The following PTPRD variants were observed in gnomAD, a reference collection of about 807,000 sequenced individuals.
The protein encoded by PTPRD is protein tyrosine phosphatase receptor type D, also known as receptor-type tyrosine-protein phosphatase delta.
PTPRD carries 34 observed loss-of-function variants against 214.5 expected under a neutral mutation model. The ratio of observed to expected loss-of-function variants is 0.16; its 90% CI spans 0.12 to 0.21. The LOEUF (loss-of-function observed/expected upper bound fraction) is 0.21, where lower values mean the gene tolerates loss of function less well. PTPRD is among the 10% of genes least tolerant of loss of function. PTPRD has a pLI of 1.00. For synonymous variants in PTPRD, 1,128 were observed against 845.7 expected (o/e 1.33, Z -5.79); for missense variants, 2,545 against 2,398.7 (o/e 1.06, Z -1.27).
intron 3 of PTPRD, among the ~76,000 whole-genome samples, chr9:10,255,147 G>A (rs2093144974): frequency 6.6e-6 from 1 of 152,198 alleles, no homozygotes; most frequent in African/African-American, 2.4e-5. Context: ...ACCTCAAAGA[G>A]TTGCTCTTTC....
intron 10 of PTPRD, among the ~76,000 whole-genome samples, chr9:9,033,185 G>T (rs2099611110): frequency 6.6e-6 from 1 of 152,040 alleles, no homozygotes; most frequent in Admixed American, 6.6e-5. Context: ...ACATAATTTG[G>T]CAGTAATCAT....
rs186129208 is a variant in PTPRD at position 8,512,627 on chromosome 9, T to A, written c.1544-5193A>T. The stretch of plus-strand genomic sequence containing the variant: ...AATAGCATTAACATCCCTAAAATGT[T>A]TAAAGTTGATACTAGTCATTAGTAT... On this transcript the variant is annotated intron_variant, in intron 21 of 45. Transcript: ENST00000381196. 2.6e-3 allele frequency among the ~76,000 whole-genome samples: 402 copies of A among 152,088 alleles called. 1 individual carries two copies. The highest frequency in any genetic ancestry group is 9.3e-3 in the African/African-American group (385 of 41,558).
At chr9:9,569,511 C>T (rs2085678762) in intron 8 of PTPRD, among the ~76,000 whole-genome samples, 1 of 151,536 alleles carries the variant, frequency 6.6e-6, no homozygotes, top group Non-Finnish European at 1.5e-5. Context: ...TAAATATATG[C>T]CATTGAAAGG....
At chr9:8,480,269 G>A (rs1001523653) in intron 30 of PTPRD, among the ~76,000 whole-genome samples, 1 of 152,156 alleles carries the variant, frequency 6.6e-6, no homozygotes, top group Non-Finnish European at 1.5e-5. Flanking sequence ...GTGAACGGCT[G>A]TCTCTCCACT....
intron 3 of PTPRD, among the ~76,000 whole-genome samples, chr9:10,248,219 G>A (rs141206320): frequency 1.3e-5 from 2 of 152,080 alleles, no homozygotes; most frequent in African/African-American, 2.4e-5. Flanking sequence ...GAGGCAAGCA[G>A]TAAGGGTTAA....
chr9:9,734,507 G>C (rs947881763), intron 7 of PTPRD, 26 bp downstream of exon 7: 5 of 151,882 alleles, frequency 3.3e-5, no homozygotes, highest in African/African-American at 1.2e-4. Context: ...AGAAGACTGA[G>C]AGTCCCAAAG....
At chr9:10,383,201 A>G (rs1460891727) in intron 2 of PTPRD, among the ~76,000 whole-genome samples, 2 of 151,926 alleles carry the variant, frequency 1.3e-5, no homozygotes, top group African/African-American at 4.8e-5. Context: ...CACAATTTAA[A>G]TACCTTCTGT....
chr9:8,492,820 A>G (rs987404315), intron 27 of PTPRD, 42 bp downstream of exon 27: 1 of 1,429,130 alleles, frequency 7.0e-7, no homozygotes, highest in Non-Finnish European at 9.8e-7. Flanking sequence ...TTAAAAAGTT[A>G]GTATTACTGT....
rs112144786 is a variant in PTPRD at position 9,756,123 on chromosome 9, A to G, written c.-326+10687T>C. Among the ~76,000 whole-genome samples, 99 of 152,000 alleles carry G rather than the reference A, an allele frequency of 6.5e-4. 1 individual carries two copies. The highest frequency in any genetic ancestry group is 2.3e-3 in the African/African-American group (94 of 41,484). On this transcript the variant is annotated intron_variant, in intron 6 of 45. Coordinates refer to ENST00000381196, the MANE Select transcript of PTPRD (RefSeq NM_002839.4). ...TGGAAAACTCCCTCCTTCTTTCAACACCTCTCTGTTCTAATATCGACCTCA... is the reference window on the plus strand; with the variant it reads ...TGGAAAACTCCCTCCTTCTTTCAACGCCTCTCTGTTCTAATATCGACCTCA...
intron 2 of PTPRD, among the ~76,000 whole-genome samples, chr9:10,462,047 A>C (rs1390900101): frequency 1.3e-5 from 2 of 152,174 alleles, no homozygotes; most frequent in African/African-American, 2.4e-5. Context: ...ATCGATACAA[A>C]GTATCAAATA....
rs544621849 is a variant in PTPRD at position 9,980,183 on chromosome 9, T to C, written c.-471-41573A>G. Among the ~76,000 whole-genome samples, 9 of 152,202 alleles carry C rather than the reference T, an allele frequency of 5.9e-5. No individual in the cohort carries two copies. In the South Asian group the frequency reaches 1.5e-3, roughly 25 times the overall value. ...GATATGAAAATACTAGCTATTTTGA[T>C]AAACAAAAATTAACAGATTACCGTA... On this transcript the variant is annotated intron_variant, in intron 4 of 45. Coordinates refer to ENST00000381196, the MANE Select transcript of PTPRD (RefSeq NM_002839.4).
At chr9:9,775,799 A>C in intron 5 of PTPRD, among the ~76,000 whole-genome samples, 1 of 151,810 alleles carries the variant, frequency 6.6e-6, no homozygotes, top group Admixed American at 6.6e-5. Flanking sequence ...AAACAAACAA[A>C]CAAAAAAATA....
intron 9 of PTPRD, among the ~76,000 whole-genome samples, chr9:9,297,121 G>A (rs1196401334): frequency 6.6e-6 from 1 of 151,684 alleles, no homozygotes. Context: ...ATGAGAGTCA[G>A]GGGCCACAGT....
chr9:10,244,067 T>C (rs887785082), intron 3 of PTPRD, among the ~76,000 whole-genome samples: 1 of 151,726 alleles, frequency 6.6e-6, no homozygotes, highest in Non-Finnish European at 1.5e-5. Flanking sequence ...AGAATGAGAC[T>C]ATAGAGAGCC....
chr9:9,910,969 T>G (rs541066406), intron 5 of PTPRD, among the ~76,000 whole-genome samples: 6 of 139,672 alleles, frequency 4.3e-5, no homozygotes, highest in African/African-American at 1.6e-4. Flanking sequence ...AACTACTTGC[T>G]TTGGTTTGGT....
chr9:10,336,312 G>C (rs2096842709), intron 3 of PTPRD, among the ~76,000 whole-genome samples: 1 of 151,570 alleles, frequency 6.6e-6, no homozygotes, highest in African/African-American at 2.4e-5. Context: ...CTCAGAATTT[G>C]GGTGGAAGAG....
intron 2 of PTPRD, among the ~76,000 whole-genome samples, chr9:10,578,073 C>T (rs2070165587): frequency 6.6e-6 from 1 of 151,878 alleles, no homozygotes; most frequent in African/African-American, 2.4e-5. Context: ...TCACACCTGG[C>T]TAATTTTTGT....
At chr9:9,934,797 C>T (rs533663187) in intron 5 of PTPRD, among the ~76,000 whole-genome samples, 30 of 152,050 alleles carry the variant, frequency 2.0e-4, no homozygotes, top group Non-Finnish European at 3.8e-4. Flanking sequence ...AGACCAATAT[C>T]CTTGATGAAT....
At chr9:9,262,077 G>A (rs1400169192) in intron 9 of PTPRD, among the ~76,000 whole-genome samples, 1 of 151,508 alleles carries the variant, frequency 6.6e-6, no homozygotes, top group African/African-American at 2.4e-5. Context: ...TATTAACACT[G>A]GCAAGATATA....
Sources: gnomAD v4.1 joint callset for allele counts (sites outside exome capture counted in the v4.1 genomes callset) on GRCh38, gnomAD v4.1.1 for gene constraint, MANE v1.5 for transcripts, NCBI Gene and HGNC (gene_info 2026-07-23, HGNC 2026-07-21) for gene names.